CYP27A1: variants seen among roughly 807,000 people sequenced by gnomAD.
The protein encoded by CYP27A1 is sterol 26-hydroxylase, mitochondrial.
A neutral mutation model predicts 58.2 loss-of-function variants in CYP27A1; 46 were observed. The ratio of observed to expected loss-of-function variants is 0.79; its 90% CI spans 0.62 to 1.01. The LOEUF (loss-of-function observed/expected upper bound fraction) is 1.01, where lower values mean the gene tolerates loss of function less well. CYP27A1 is among the 50% of genes least tolerant of loss of function. The pLI, the probability that CYP27A1 is intolerant of heterozygous loss-of-function variation, is 0.00. For missense variants in CYP27A1, 704 were observed against 687.0 expected (o/e 1.02, Z -0.28); for synonymous variants, 274 against 285.1 (o/e 0.96, Z 0.39).
chr2:218,794,148 C>A (rs979348010), intron 1 of CYP27A1, among the ~76,000 whole-genome samples: 6 of 152,186 alleles, frequency 3.9e-5, no homozygotes, highest in African/African-American at 1.4e-4. Flanking sequence ...CAAGCTCCTC[C>A]CTCTGCAAAC....
chr2:218,786,684 G>A (rs1469539433), intron 1 of CYP27A1, among the ~76,000 whole-genome samples: 1 of 152,096 alleles, frequency 6.6e-6, no homozygotes, highest in Non-Finnish European at 1.5e-5. Flanking sequence ...GCCTGGCTTG[G>A]TGACCCTTCC....
intron 1 of CYP27A1, among the ~76,000 whole-genome samples, chr2:218,795,406 A>C (rs1943538639): frequency 6.6e-6 from 1 of 152,134 alleles, no homozygotes. Flanking sequence ...AAGGGAGAGA[A>C]AGGGATGTCT....
rs1020014153 is a variant in CYP27A1 at position 218,782,725 on chromosome 2, C to T, written c.255+288C>T. On this transcript the variant is annotated intron_variant, in intron 1 of 8. Coordinates refer to ENST00000258415, the MANE Select transcript of CYP27A1 (RefSeq NM_000784.4). The surrounding 1 kb of genome is among the most constrained non-coding windows in gnomAD (Gnocchi z 4.1). ...GAGCAGAGGTTGAGGAGGGAGCTGT[C>T]TTGGGAAGAGAGTGGCAGAGGCAAA... Among the ~76,000 whole-genome samples the T allele has an allele frequency of 6.6e-6, 1 of 152,100 alleles. No individual in the cohort carries two copies. Among genetic ancestry groups the T allele is most frequent in the African/African-American group, 2.4e-5 (1 of 41,422 alleles).
At chr2:218,797,590 T>C (rs1226122436) in intron 1 of CYP27A1, among the ~76,000 whole-genome samples, 1 of 152,202 alleles carries the variant, frequency 6.6e-6, no homozygotes, top group African/African-American at 2.4e-5. Context: ...CAAAAAGCCA[T>C]GCATCAGGAA....
intron 1 of CYP27A1, among the ~76,000 whole-genome samples, chr2:218,789,014 G>T (rs554768671): frequency 6.6e-6 from 1 of 152,320 alleles, no homozygotes; most frequent in African/African-American, 2.4e-5. Flanking sequence ...ATGAAACTAA[G>T]TATTAAGGTG....
rs535619531 is a variant in CYP27A1 at position 218,782,919 on chromosome 2, G to A, written c.255+482G>A. Among the ~76,000 whole-genome samples, 10 of 152,144 alleles carry A rather than the reference G, an allele frequency of 6.6e-5. No homozygotes were observed. Among genetic ancestry groups the A allele is most frequent in the Admixed American group, 6.5e-4 (10 of 15,272 alleles). ...CAATGCTGCATCTCAGATCGTGGAA[G>A]CAAACTCACAGACAGTAAGGAAAAG... On this transcript the variant is annotated intron_variant, in intron 1 of 8. Transcript: ENST00000258415. This position sits in a 1 kb window ranked among gnomAD's most constrained non-coding sequence, Gnocchi z 4.1.
At chr2:218,806,424 C>T (rs1305759953) in intron 1 of CYP27A1, among the ~76,000 whole-genome samples, 1 of 152,182 alleles carries the variant, frequency 6.6e-6, no homozygotes, top group Non-Finnish European at 1.5e-5. Context: ...AGAGGGGGTG[C>T]GGTACTTGTG....
rs375038976 is a variant in CYP27A1, at chr2:218,797,578, T to A, written c.256-11999T>A. Among the ~76,000 whole-genome samples the A allele has an allele frequency of 2.6e-4, 39 of 152,306 alleles. No homozygotes were observed. The South Asian group carries it at 7.5e-3, about 29-fold the overall frequency. On this transcript the variant is annotated intron_variant, in intron 1 of 8. Transcript: ENST00000258415. ...CCTTTTCCAGAGACCCTCTGAACCA[T>A]CCAAAAAGCCATGCATCAGGAAAGA...
In CYP27A1 at chr2:218,812,645, T is replaced by C; in HGVS notation, c.740T>C (p.Met247Thr). 2 of 1,614,220 alleles carry C rather than the reference T, an allele frequency of 1.2e-6. No homozygotes were observed. The highest frequency in any genetic ancestry group is 1.7e-6 in the Non-Finnish European group (2 of 1,180,042). The change falls in exon 4 of 9, where the codon ATG becomes ACG. Residue 247 changes from methionine to threonine, a missense_variant. By Grantham distance (81) the Met-to-Thr change is moderately conservative. Coordinates refer to ENST00000258415, the MANE Select transcript of CYP27A1 (RefSeq NM_000784.4). ...ACCTTCGTCAGATCCATCGGGTTAA[T>C]GTTCCAGAACTCACTCTATGCCACC... is the stretch of plus-strand genomic sequence containing the variant. ...TVTFVRSIGL[M>T]FQNSLYATFL...
chr2:218,814,458 C>G lies in CYP27A1; in HGVS notation c.1263C>G (p.Asn421Lys). Residue 421 changes from asparagine (N) to lysine (K), a missense_variant and splice_region_variant, in exon 7 of 9, where the codon AAC becomes AAG. Coordinates refer to ENST00000258415, the MANE Select transcript of CYP27A1 (RefSeq NM_000784.4). ...IEVDGFLFPK[N>K]TQFVFCHYVV... ...TTGATGGCTTCCTCTTCCCCAAGAA[C>G]GTGAGTGGGGCTAGAGAGCCCGATT... is the stretch of plus-strand genomic sequence containing the variant. 1.2e-6 allele frequency: 2 copies of G among 1,614,204 alleles called. No individual in the cohort carries two copies. The highest frequency in any genetic ancestry group is 1.7e-6 in the Non-Finnish European group (2 of 1,180,002).
chr2:218,797,080 TTAACA>T (rs1449755910), intron 1 of CYP27A1, among the ~76,000 whole-genome samples: 1 of 152,212 alleles, frequency 6.6e-6, no homozygotes, highest in African/African-American at 2.4e-5. Flanking sequence ...TTACAATAAC[TTAACA>T]TAACAACCTG....
intron 1 of CYP27A1, among the ~76,000 whole-genome samples, chr2:218,788,279 A>C (rs1575197909): frequency 6.6e-6 from 1 of 152,344 alleles, no homozygotes; most frequent in East Asian, 1.9e-4. Flanking sequence ...TCCTTACAGC[A>C]TGGTGGTCTT....
chr2:218,792,064 T>TACAC (rs61540539), intron 1 of CYP27A1, among the ~76,000 whole-genome samples: 3,318 of 150,048 alleles, frequency 0.022, 116 homozygotes, highest in African/African-American at 0.075. Flanking sequence ...TAGAAGTCAC[T>TACAC]ACACACACAC....
intron 5 of CYP27A1, among the ~76,000 whole-genome samples, chr2:218,813,594 T>C (rs555324043): frequency 6.6e-6 from 1 of 152,220 alleles, no homozygotes; most frequent in East Asian, 1.9e-4. Context: ...CCCAGCTTTT[T>C]TTTTCTTTAA....
At chr2:218,804,836 G>A (rs1304931141) in intron 1 of CYP27A1, among the ~76,000 whole-genome samples, 1 of 152,308 alleles carries the variant, frequency 6.6e-6, no homozygotes, top group East Asian at 1.9e-4. Context: ...AAATACCACA[G>A]ACTGGATGGC....
At position 218,813,053 on chromosome 2, in the gene CYP27A1, C is replaced by A; in HGVS notation, c.974C>A (p.Ala325Asp). The A allele has an allele frequency of 6.2e-7, 1 of 1,613,990 alleles. No individual in the cohort carries two copies. Among genetic ancestry groups the A allele is most frequent in the Non-Finnish European group, 8.5e-7 (1 of 1,179,838 alleles). The change falls in exon 5 of 9, where the codon GCC (alanine) becomes GAC (aspartate). Residue 325 changes from alanine to aspartate, a missense_variant. Ala to Asp is a moderately radical substitution (Grantham distance 126). Coordinates refer to ENST00000258415, the MANE Select transcript of CYP27A1 (RefSeq NM_000784.4). ...AGTGGACAGCTCAGTCCTCGGGAGG[C>A]CATGGGCAGCCTGCCTGAGCTGCTC... ...LASGQLSPRE[A>D]MGSLPELLMA...
At chr2:218,806,104 C>A (rs1313914336) in intron 1 of CYP27A1, 4 of 152,094 alleles carry the variant, frequency 2.6e-5, no homozygotes, top group Non-Finnish European at 5.9e-5. Flanking sequence ...AAATAAATCA[C>A]AGTATAGAGA....
At chr2:218,814,789 G>T in intron 8 of CYP27A1, 32 bp downstream of exon 8, 1 of 1,613,568 alleles carries the variant, frequency 6.2e-7, no homozygotes. Context: ...GGGTGTGTGG[G>T]CAGGGAGGGG....
chr2:218,812,324 T>C lies in CYP27A1; in HGVS notation c.549T>C (p.Asp183=). The C allele has an allele frequency of 6.2e-7, 1 of 1,614,224 alleles. No individual in the cohort carries two copies. Among genetic ancestry groups the C allele is most frequent in the Non-Finnish European group, 8.5e-7 (1 of 1,180,036 alleles). ...LYTDAFNEVI[D]DFMTRLDQLR... is the part of the protein sequence containing the mutation. ...CGGATGCTTTCAATGAGGTGATTGATGACTTTATGACTCGACTGGACCAGC... is the reference window on the plus strand; with the variant it reads ...CGGATGCTTTCAATGAGGTGATTGACGACTTTATGACTCGACTGGACCAGC... Residue 183 remains aspartate (D), a synonymous_variant, in exon 3 of 9, where the codon GAT becomes GAC. Coordinates refer to ENST00000258415, the MANE Select transcript of CYP27A1 (RefSeq NM_000784.4).
Sources: allele counts gnomAD v4.1 joint callset (sites outside exome capture counted in the v4.1 genomes callset), GRCh38; gene constraint gnomAD v4.1.1; non-coding constraint Gnocchi (gnomAD v3.1); transcripts MANE v1.5; gene names NCBI Gene and HGNC (gene_info 2026-07-23, HGNC 2026-07-21).